The following ADGRV1 variants were observed in gnomAD, a reference collection of about 807,000 sequenced individuals.
The protein encoded by ADGRV1 is G-protein coupled receptor 98.
A neutral mutation model predicts 596.2 loss-of-function variants in ADGRV1; 359 were observed. The observed-to-expected ratio is 0.60, with a 90% CI of 0.55 to 0.66. ADGRV1 has a LOEUF of 0.66. Among genes scored for constraint, ADGRV1 ranks in the 30% least tolerant of loss-of-function variants. The pLI, the probability that ADGRV1 is intolerant of heterozygous loss-of-function variation, is 0.00. For synonymous variants in ADGRV1, 2,681 were observed against 2,679.2 expected (o/e 1.00, Z -0.02); for missense variants, 7,274 against 7,575.6 (o/e 0.96, Z 1.48).
In ADGRV1 at chr5:90,595,953, C is replaced by T. The variant is rs547109178; in HGVS notation, c.23-18882C>T. ...GCGGAGACGCTCCTCACTTCCCAGA[C>T]GGGGTGGCTGCCGGGCGGAGAGGCT... On this transcript the variant is annotated intron_variant, in intron 1 of 89. Coordinates refer to ENST00000405460, the MANE Select transcript of ADGRV1 (RefSeq NM_032119.4). Among the ~76,000 whole-genome samples, 43 of 148,506 alleles carry T rather than the reference C, an allele frequency of 2.9e-4. 2 individuals carry two copies. The South Asian group carries it at 7.5e-3, about 26-fold the overall frequency.
intron 83 of ADGRV1, among the ~76,000 whole-genome samples, chr5:90,929,880 A>G (rs1775054888): frequency 6.6e-6 from 1 of 152,214 alleles, no homozygotes; most frequent in African/African-American, 2.4e-5. Flanking sequence ...AAAGTAAATG[A>G]CTGTATCCTA....
chr5:90,836,228 G>C (rs1162032625), intron 77 of ADGRV1, among the ~76,000 whole-genome samples: 1 of 152,126 alleles, frequency 6.6e-6, no homozygotes, highest in Non-Finnish European at 1.5e-5. Flanking sequence ...TTGCAGTCCT[G>C]GACATTTATT....
chr5:90,905,040 C>T (rs1772187234), intron 83 of ADGRV1, among the ~76,000 whole-genome samples: 1 of 151,896 alleles, frequency 6.6e-6, no homozygotes, highest in Admixed American at 6.6e-5. Flanking sequence ...TGAAAACAAG[C>T]TCACTGTAGG....
chr5:91,096,985 G>C (rs1790930861), intron 86 of ADGRV1, among the ~76,000 whole-genome samples: 1 of 152,130 alleles, frequency 6.6e-6, no homozygotes, highest in African/African-American at 2.4e-5. Context: ...TTTCATGTCT[G>C]GCTTGTTTCA....
chr5:91,153,417 A>G lies in ADGRV1; in HGVS notation c.18802+19A>G. The G allele has an allele frequency of 6.5e-7, 1 of 1,541,486 alleles. No homozygotes were observed. The highest frequency in any genetic ancestry group is 8.8e-7 in the Non-Finnish European group (1 of 1,140,176). ...AAAACTGGTATGTATGAACCCATGAACGACATTAGAAGTAGGCACTCTTGC... is the reference window on the plus strand; with the variant it reads ...AAAACTGGTATGTATGAACCCATGAGCGACATTAGAAGTAGGCACTCTTGC... On this transcript the variant is annotated intron_variant, in intron 89 of 89. Transcript: ENST00000405460.
rs150438968 is a variant in ADGRV1 at position 90,601,673 on chromosome 5, C to T, written c.23-13162C>T. On this transcript the variant is annotated intron_variant, in intron 1 of 89. Coordinates refer to ENST00000405460, the MANE Select transcript of ADGRV1 (RefSeq NM_032119.4). The stretch of plus-strand genomic sequence containing the variant: ...AATAGACTCAAACATTAACAGCCTG[C>T]TCATAGTTGCCCTGCTGGTAAGTAT... Among the ~76,000 whole-genome samples, 473 of 152,280 alleles carry T rather than the reference C, an allele frequency of 3.1e-3. 4 individuals carry two copies. Among genetic ancestry groups the T allele is most frequent in the Middle Eastern group, 0.024 (7 of 294 alleles).
In ADGRV1 at chr5:90,810,653, A is replaced by G. The variant is rs772403663; in HGVS notation, c.15393A>G (p.Ala5131=). 8.7e-6 allele frequency: 14 copies of G among 1,613,994 alleles called. No homozygotes were observed. The East Asian group carries it at 2.7e-4, about 31-fold the overall frequency. Residue 5131 remains alanine, a synonymous_variant, in exon 74 of 90, where the codon GCA becomes GCG. Coordinates refer to ENST00000405460, the MANE Select transcript of ADGRV1 (RefSeq NM_032119.4). Reference sequence around the variant, plus strand: ...CAATATTGGATAATGATGACCTGGCAGGAATGGATATTTCCTTCCCCGAGA... The same window carrying G: ...CAATATTGGATAATGATGACCTGGCGGGAATGGATATTTCCTTCCCCGAGA... The part of the protein sequence containing the change: ...VITILDNDDL[A]GMDISFPETT...
Position 90,995,095 on chromosome 5 carries a change from G to T in ADGRV1, c.18152+9573G>T, listed in dbSNP as rs114096809. Among the ~76,000 whole-genome samples the T allele has an allele frequency of 6.5e-3, 991 of 152,316 alleles. 6 individuals carry two copies. The highest frequency in any genetic ancestry group is 0.021 in the African/African-American group (860 of 41,570). On this transcript the variant is annotated intron_variant, in intron 85 of 89. Coordinates refer to ENST00000405460, the MANE Select transcript of ADGRV1 (RefSeq NM_032119.4). ...CAGGAATGTATTGGAGCTTTCCAAA[G>T]CTTATGTGTATATCTCATGCTCCAG... is the stretch of plus-strand genomic sequence containing the variant.
In ADGRV1 at chr5:90,745,099, G is replaced by T; in HGVS notation, c.10603G>T (p.Glu3535Ter). The change falls in exon 51 of 90, where the codon GAG becomes TAG. Residue 3535 changes from glutamate (E) to a stop codon, truncating the protein, a stop_gained. Transcript: ENST00000405460. LOFTEE classifies it high-confidence loss of function. ...DMSALYCWNSERNQFSFVLEV... is the reference protein window; with the variant it reads ...DMSALYCWNS ...GTCTGCTCTTTACTGCTGGAATTCG[G>T]AGCGTAATCAATTCTCTTTTGTTCT... 1 of 1,613,776 alleles carries T rather than the reference G, an allele frequency of 6.2e-7. No homozygotes were observed. Among genetic ancestry groups the T allele is most frequent in the South Asian group, 1.1e-5 (1 of 91,058 alleles).
intron 83 of ADGRV1, among the ~76,000 whole-genome samples, chr5:90,898,029 A>G (rs1771494509): frequency 6.6e-6 from 1 of 152,210 alleles, no homozygotes; most frequent in Non-Finnish European, 1.5e-5. Flanking sequence ...AAAGTAAGAT[A>G]GAGGTTTTCT....
intron 87 of ADGRV1, among the ~76,000 whole-genome samples, chr5:91,130,954 A>AT (rs1472007710): frequency 1.3e-5 from 2 of 152,198 alleles, no homozygotes; most frequent in Non-Finnish European, 2.9e-5. Flanking sequence ...TGTGATTTCC[A>AT]TTTTTTATGG....
At chr5:90,741,203 A>T (rs568661117) in intron 50 of ADGRV1, among the ~76,000 whole-genome samples, 1 of 152,130 alleles carries the variant, frequency 6.6e-6, no homozygotes, top group Non-Finnish European at 1.5e-5. Context: ...GCCACCTTCT[A>T]CCTGGACTAT....
rs760732049 is a variant in ADGRV1 at position 90,848,834 on chromosome 5, T to G, written c.17204+13T>G. ...CTCCTGGTGAAAAGTAAGTATCTTT[T>G]AATATATTAGCAGTACCTTTTATGC... On this transcript the variant is annotated intron_variant, in intron 79 of 89. Coordinates refer to ENST00000405460, the MANE Select transcript of ADGRV1 (RefSeq NM_032119.4). 3.2e-6 allele frequency: 5 copies of G among 1,563,490 alleles called. No homozygotes were observed. The African/African-American group carries it at 6.9e-5, about 22-fold the overall frequency.
At chr5:91,098,047 A>G (rs1164643120) in intron 86 of ADGRV1, among the ~76,000 whole-genome samples, 1 of 152,164 alleles carries the variant, frequency 6.6e-6, no homozygotes, top group East Asian at 1.9e-4. Flanking sequence ...ATTCTGTTTT[A>G]TCTTCACTAA....
intron 85 of ADGRV1, among the ~76,000 whole-genome samples, chr5:91,003,725 A>G (rs116733368): frequency 0.014 from 2,075 of 152,124 alleles, 54 homozygotes; most frequent in African/African-American, 0.048. Context: ...AGAGTGCCAG[A>G]GGAATAAAAG....
intron 28 of ADGRV1, among the ~76,000 whole-genome samples, chr5:90,685,570 C>T (rs1296521205): frequency 6.6e-6 from 1 of 151,252 alleles, no homozygotes; most frequent in Non-Finnish European, 1.5e-5. Flanking sequence ...TCCAGCACTC[C>T]AGCCTGCGTG....
At chr5:90,902,756 A>G (rs571571927) in intron 83 of ADGRV1, among the ~76,000 whole-genome samples, 113 of 152,200 alleles carry the variant, frequency 7.4e-4, no homozygotes, top group Non-Finnish European at 1.3e-3. Flanking sequence ...ATTTAAAGTG[A>G]TGGAATGGTA....
chr5:91,103,586 T>C (rs1235517403), intron 87 of ADGRV1, among the ~76,000 whole-genome samples: 1 of 151,972 alleles, frequency 6.6e-6, no homozygotes, highest in Non-Finnish European at 1.5e-5. Context: ...TGTGTTTTGC[T>C]TGGCAGACAC....
intron 85 of ADGRV1, among the ~76,000 whole-genome samples, chr5:91,005,891 A>G (rs1399924222): frequency 1.3e-5 from 2 of 152,126 alleles, no homozygotes; most frequent in Non-Finnish European, 2.9e-5. Flanking sequence ...ATTCCAAAAC[A>G]CAGATCTGCT....
Sources: gnomAD v4.1 joint callset for allele counts (sites outside exome capture counted in the v4.1 genomes callset) on GRCh38, gnomAD v4.1.1 for gene constraint, MANE v1.5 for transcripts, NCBI Gene and HGNC (gene_info 2026-07-23, HGNC 2026-07-21) for gene names.